The following FGGY variants were observed in gnomAD, a reference collection of about 807,000 sequenced individuals.
The protein encoded by FGGY is FGGY carbohydrate kinase domain containing.
Under a neutral mutation model 71.3 loss-of-function variants are expected in FGGY, and 72 were observed. The ratio of observed to expected loss-of-function variants is 1.01; its 90% CI spans 0.84 to 1.23. The LOEUF (loss-of-function observed/expected upper bound fraction) is 1.23, where lower values mean the gene tolerates loss of function less well. Ranked by LOEUF, FGGY falls within the 50% of genes most tolerant of loss-of-function variation. FGGY has a pLI of 0.00. For synonymous variants in FGGY, 251 were observed against 250.3 expected, an observed-to-expected ratio of 1.00 and a Z score of -0.02; for missense variants, 668 against 682.3, an observed-to-expected ratio of 0.98 and a Z score of 0.23.
intron 14 of FGGY, among the ~76,000 whole-genome samples, chr1:59,717,373 C>T (rs1231482629): frequency 1.3e-5 from 2 of 152,080 alleles, no homozygotes; most frequent in Non-Finnish European, 2.9e-5. Flanking sequence ...AATTAAAGAC[C>T]TTACACTACC....
chr1:59,456,924 A>G (rs780570209), intron 5 of FGGY, 37 bp from the exon 6 acceptor site: 74 of 1,471,322 alleles, frequency 5.0e-5, no homozygotes, highest in Non-Finnish European at 6.6e-5. Flanking sequence ...CCTCACTCAT[A>G]TGGTCAGTTC....
chr1:59,492,855 A>G (rs1570079005), intron 6 of FGGY, among the ~76,000 whole-genome samples: 1 of 151,988 alleles, frequency 6.6e-6, no homozygotes, highest in East Asian at 1.9e-4. Flanking sequence ...CCAAATTCCT[A>G]AGCACTTTGG....
intron 12 of FGGY, among the ~76,000 whole-genome samples, chr1:59,662,851 C>T (rs1486658426): frequency 6.6e-6 from 1 of 152,206 alleles, no homozygotes; most frequent in African/African-American, 2.4e-5. Flanking sequence ...CAATGCATTT[C>T]TCACAATGTA....
At chr1:59,417,692 A>G (rs576696518) in intron 5 of FGGY, among the ~76,000 whole-genome samples, 59 of 152,244 alleles carry the variant, frequency 3.9e-4, no homozygotes, top group African/African-American at 1.4e-3. Context: ...CCTTTATGTA[A>G]TGACTACTAA....
chr1:59,445,657 C>G (rs7549885), intron 5 of FGGY, among the ~76,000 whole-genome samples: 2,076 of 152,282 alleles, frequency 0.014, 49 homozygotes, highest in African/African-American at 0.048. Context: ...TCACAGCAAA[C>G]CTAAGGCAGC....
upstream of FGGY, chr1:59,296,669 G>T (rs1333093694): frequency 8.1e-6 from 1 of 123,936 alleles, no homozygotes; most frequent in African/African-American, 3.0e-5. Flanking sequence ...CGCTTTACAG[G>T]GGCCGCGCTT....
At chr1:59,579,250 A>T (rs1558416937) in intron 8 of FGGY, among the ~76,000 whole-genome samples, 1 of 152,036 alleles carries the variant, frequency 6.6e-6, no homozygotes, top group Admixed American at 6.5e-5. Context: ...ACCAGTTTCT[A>T]AATTTTGGAA....
At chr1:59,618,550 A>G (rs145727241) in intron 9 of FGGY, among the ~76,000 whole-genome samples, 1 of 152,278 alleles carries the variant, frequency 6.6e-6, no homozygotes, top group East Asian at 1.9e-4. Context: ...TTGTCCGTTA[A>G]CATGACATTC....
chr1:59,502,429 G>C (rs909597360), intron 6 of FGGY, among the ~76,000 whole-genome samples: 2 of 152,184 alleles, frequency 1.3e-5, no homozygotes, highest in African/African-American at 2.4e-5. Context: ...GGCTAGGTGA[G>C]AACAAAATAG....
Position 59,677,830 on chromosome 1 carries a change from A to T in FGGY, c.1512+3697A>T, listed in dbSNP as rs2097451645. ...GCTTCCTTCTTTTGTTCTTTTATCC[A>T]TTCAGATTCTCCTTCTCTTAGTTTG... On this transcript the variant is annotated intron_variant, in intron 14 of 15. Transcript: ENST00000303721. Among the ~76,000 whole-genome samples the T allele has an allele frequency of 2.0e-5, 3 of 152,104 alleles. No individual in the cohort carries two copies. The South Asian group carries it at 6.2e-4, about 32-fold the overall frequency.
At chr1:59,584,217 A>G (rs1302379044) in intron 8 of FGGY, among the ~76,000 whole-genome samples, 1 of 149,780 alleles carries the variant, frequency 6.7e-6, no homozygotes, top group Non-Finnish European at 1.5e-5. Flanking sequence ...ACAACAAAAA[A>G]AAAGAGAATT....
chr1:59,532,662 T>A (rs1012377259), intron 7 of FGGY, among the ~76,000 whole-genome samples: 2 of 152,180 alleles, frequency 1.3e-5, no homozygotes, highest in Admixed American at 6.5e-5. Flanking sequence ...GGAACTTATT[T>A]TGATTAAGGA....
chr1:59,672,556 C>G (rs780934640), intron 13 of FGGY, among the ~76,000 whole-genome samples: 10 of 152,210 alleles, frequency 6.6e-5, no homozygotes, highest in African/African-American at 9.6e-5. Context: ...ATTCCCACCC[C>G]ACCTGACACC....
chr1:59,612,250 G>C (rs2153822386), intron 9 of FGGY, among the ~76,000 whole-genome samples: 1 of 152,320 alleles, frequency 6.6e-6, no homozygotes, highest in African/African-American at 2.4e-5. Context: ...CAGAGAGAAA[G>C]GTTGGGTTAC....
chr1:59,666,392 TTTAGTCCTTA>T, intron 12 of FGGY, among the ~76,000 whole-genome samples: 1 of 152,346 alleles, frequency 6.6e-6, no homozygotes, highest in South Asian at 2.1e-4. Flanking sequence ...TCTTTTTGTT[TTTAGTCCTTA>T]TCCCAAATAA....
chr1:59,396,630 A>G (rs2061356641), intron 5 of FGGY, among the ~76,000 whole-genome samples: 1 of 152,148 alleles, frequency 6.6e-6, no homozygotes, highest in South Asian at 2.1e-4. Flanking sequence ...GTTGGTTTAC[A>G]AATGGTAGAA....
intron 4 of FGGY, among the ~76,000 whole-genome samples, chr1:59,374,237 G>C (rs1320072444): frequency 6.6e-6 from 1 of 152,116 alleles, no homozygotes; most frequent in African/African-American, 2.4e-5. Context: ...TCAAAAAGTG[G>C]GTGCAGGACA....
chr1:59,553,903 T>C (rs2095646127), intron 7 of FGGY: 1 of 411,494 alleles, frequency 2.4e-6, no homozygotes. Context: ...TTGGGTGCCA[T>C]ACATTGACCA....
chr1:59,466,988 G>C (rs781488943), intron 6 of FGGY, among the ~76,000 whole-genome samples: 10 of 152,082 alleles, frequency 6.6e-5, no homozygotes, highest in African/African-American at 1.4e-4. Flanking sequence ...TTGACCCAGC[G>C]ATTCCATTAC....
Sources: allele counts gnomAD v4.1 joint callset (sites outside exome capture counted in the v4.1 genomes callset), GRCh38; gene constraint gnomAD v4.1.1; transcripts MANE v1.5; gene names NCBI Gene and HGNC (gene_info 2026-07-23, HGNC 2026-07-21).